Variants in FGF13 observed in about 807,000 individuals in gnomAD.
FGF13 encodes the protein fibroblast growth factor 13.
FGF13 carries 2 observed loss-of-function variants against 19.5 expected under a neutral mutation model. That is an observed-to-expected ratio of 0.10 (90% CI 0.04 to 0.32). The LOEUF (loss-of-function observed/expected upper bound fraction) is 0.32, where lower values mean the gene tolerates loss of function less well. Among genes scored for constraint, FGF13 ranks in the 10% least tolerant of loss-of-function variants. The pLI is 1.00. For missense variants in FGF13, 113 were observed against 192.7 expected (o/e 0.59, Z 2.45); for synonymous variants, 72 against 76.9 (o/e 0.94, Z 0.33).
intron 3 of FGF13, among the ~76,000 whole-genome samples, chrX:138,841,471 A>G (rs1044522258): frequency 9.0e-6 from 1 of 111,214 alleles, no homozygotes; most frequent in Admixed American, 9.6e-5. Context: ...CTATCTTGAG[A>G]TATACAAAAT....
intron 1 of FGF13, among the ~76,000 whole-genome samples, chrX:139,020,286 AC>A (rs2092172798): frequency 9.0e-6 from 1 of 111,079 alleles, no homozygotes; most frequent in African/African-American, 3.3e-5. Flanking sequence ...AGACTGCATA[AC>A]CCATGGGGAC....
intron 1 of FGF13, among the ~76,000 whole-genome samples, chrX:138,994,755 T>C (rs929243233): frequency 2.7e-5 from 3 of 111,368 alleles, no homozygotes; most frequent in Non-Finnish European, 3.8e-5. Flanking sequence ...ATTTGATATT[T>C]TATGGTTTGC....
At chrX:138,886,203 C>T (rs904002148) in intron 1 of FGF13, among the ~76,000 whole-genome samples, 4 of 111,703 alleles carry the variant, frequency 3.6e-5, no homozygotes, top group African/African-American at 1.3e-4. Flanking sequence ...AATGAAGGTG[C>T]GTTCTACATT....
chrX:139,190,322 C>T (rs1444919865), intron 1 of FGF13, among the ~76,000 whole-genome samples: 1 of 111,836 alleles, frequency 8.9e-6, no homozygotes, highest in African/African-American at 3.3e-5. Flanking sequence ...TTGAACTAGA[C>T]AGTGTCTGAA....
In FGF13 at chrX:138,708,948, T is replaced by C; in HGVS notation, c.188-20A>G. On this transcript the variant is annotated intron_variant, in intron 1 of 4. Transcript: ENST00000315930. Reference sequence around the variant, plus strand: ...GAGGCTCTGCAAAGAGAACAATGATTTGGATCAATTGATAAATTGTGCCTA... The same window carrying C: ...GAGGCTCTGCAAAGAGAACAATGATCTGGATCAATTGATAAATTGTGCCTA... 1 of 948,615 alleles carries C rather than the reference T, an allele frequency of 1.1e-6. No individual in the cohort carries two copies. Among genetic ancestry groups the C allele is most frequent in the Non-Finnish European group, 1.5e-6 (1 of 669,121 alleles). 78.2% of individuals were successfully genotyped at this position (948,615 alleles called of 1,213,427 possible). A position where few individuals can be genotyped will look rare whatever the true frequency, so the allele number is the denominator to read the frequency against.
At chrX:138,764,825 A>G (rs1214285101) in intron 3 of FGF13, among the ~76,000 whole-genome samples, 1 of 112,112 alleles carries the variant, frequency 8.9e-6, no homozygotes, top group Non-Finnish European at 1.9e-5. Context: ...TTATTTTTAG[A>G]CTTTTGTAAG....
intron 3 of FGF13, among the ~76,000 whole-genome samples, chrX:138,798,875 G>C (rs2090802603): frequency 8.9e-6 from 1 of 111,818 alleles, no homozygotes; most frequent in South Asian, 3.7e-4. Context: ...AGTATTCTCT[G>C]ATGGCAGTTT....
At chrX:138,834,938 T>A (rs1412098156) in intron 3 of FGF13, among the ~76,000 whole-genome samples, 1 of 112,040 alleles carries the variant, frequency 8.9e-6, no homozygotes, top group Non-Finnish European at 1.9e-5. Flanking sequence ...CAGGATCAGG[T>A]TATTCAATTT....
At chrX:139,113,046 G>A (rs2083615582) in intron 1 of FGF13, among the ~76,000 whole-genome samples, 1 of 105,330 alleles carries the variant, frequency 9.5e-6, no homozygotes, top group Admixed American at 1.0e-4. Context: ...TTCTATTCCA[G>A]AAAATAAAAT....
chrX:138,940,683 AG>A (rs1472048244), intron 1 of FGF13, among the ~76,000 whole-genome samples: 2 of 111,661 alleles, frequency 1.8e-5, no homozygotes, highest in Admixed American at 1.9e-4. Context: ...TTTATTGAAC[AG>A]GGAGTCCTTT....
downstream of FGF13, among the ~76,000 whole-genome samples, chrX:138,856,070 AT>A (rs1172843554): frequency 1.1e-4 from 12 of 110,640 alleles, no homozygotes; most frequent in East Asian, 3.4e-3. Flanking sequence ...ACTGGTTAAA[AT>A]TTTTTTGTTT....
chrX:138,774,252 C>T (rs747401432), intron 3 of FGF13, among the ~76,000 whole-genome samples: 1 of 112,032 alleles, frequency 8.9e-6, no homozygotes, highest in Non-Finnish European at 1.9e-5. Flanking sequence ...AACTCTAATA[C>T]TTCTGCAGGA....
At chrX:138,920,757 G>C (rs1036301264) in intron 1 of FGF13, among the ~76,000 whole-genome samples, 1 of 111,461 alleles carries the variant, frequency 9.0e-6, no homozygotes, top group Non-Finnish European at 1.9e-5. Flanking sequence ...TAACTGCTGG[G>C]AAATATGGTC....
intron 3 of FGF13, among the ~76,000 whole-genome samples, chrX:138,647,489 C>G (rs2089320656): frequency 9.0e-6 from 1 of 111,407 alleles, no homozygotes; most frequent in Non-Finnish European, 1.9e-5. Flanking sequence ...TCTACAGAAA[C>G]CACTGCGGTG....
At chrX:138,726,139 G>T (rs1190027441) in intron 1 of FGF13, among the ~76,000 whole-genome samples, 1 of 110,369 alleles carries the variant, frequency 9.1e-6, no homozygotes, top group Non-Finnish European at 1.9e-5. Flanking sequence ...AAAGTTCTTC[G>T]AATTTAGTTA....
chrX:138,666,368 C>G (rs1349872093), intron 3 of FGF13, among the ~76,000 whole-genome samples: 2 of 111,546 alleles, frequency 1.8e-5, no homozygotes, highest in Non-Finnish European at 3.8e-5. Context: ...TGAGGAAATT[C>G]ATGAGAAAGC....
At chrX:138,683,100 C>T (rs1276991396) in intron 3 of FGF13, among the ~76,000 whole-genome samples, 4 of 111,335 alleles carry the variant, frequency 3.6e-5, no homozygotes, top group African/African-American at 1.3e-4. Context: ...CCCTCATAAG[C>T]GAGCCAGGAA....
chrX:138,789,190 G>T (rs1757003565), intron 3 of FGF13, among the ~76,000 whole-genome samples: 1 of 109,872 alleles, frequency 9.1e-6, no homozygotes, highest in African/African-American at 3.3e-5. Context: ...TTTTATTTTA[G>T]ACAGAGTCTC....
intron 1 of FGF13, among the ~76,000 whole-genome samples, chrX:139,152,027 C>T (rs1167872301): frequency 2.7e-5 from 3 of 110,949 alleles, no homozygotes; most frequent in Admixed American, 9.6e-5. Context: ...AAATAAAAAG[C>T]CTTGAGAAAC....
Sources: gnomAD v4.1 joint callset for allele counts (sites outside exome capture counted in the v4.1 genomes callset) on GRCh38, gnomAD v4.1.1 for gene constraint, MANE v1.5 for transcripts, NCBI Gene and HGNC (gene_info 2026-07-23, HGNC 2026-07-21) for gene names.